Variants in DPP10 observed in about 807,000 individuals in gnomAD.
DPP10 encodes the protein inactive dipeptidyl peptidase 10.
DPP10 carries 33 observed loss-of-function variants against 120.9 expected under a neutral mutation model. The ratio of observed to expected loss-of-function variants is 0.27; its 90% CI spans 0.21 to 0.37. The LOEUF is 0.37. Ranked by LOEUF, DPP10 falls within the 10% of genes least tolerant of loss-of-function variation. DPP10 has a pLI of 1.00. For missense variants in DPP10, 816 were observed against 942.8 expected (o/e 0.87, Z 1.76); for synonymous variants, 337 against 326.1 (o/e 1.03, Z -0.36).
At chr2:115,510,951 G>A (rs2077191319) in intron 4 of DPP10, among the ~76,000 whole-genome samples, 1 of 152,074 alleles carries the variant, frequency 6.6e-6, no homozygotes, top group South Asian at 2.1e-4. Flanking sequence ...TGCAGCTAGT[G>A]TATAGAAATG....
chr2:115,018,256 G>A (rs1485388315), intron 1 of DPP10, among the ~76,000 whole-genome samples: 1 of 152,296 alleles, frequency 6.6e-6, no homozygotes, highest in Middle Eastern at 3.4e-3. Context: ...TTACACTGCT[G>A]GTAGGAGTGT....
At chr2:114,897,591 C>G (rs1222389040) in intron 1 of DPP10, among the ~76,000 whole-genome samples, 1 of 151,696 alleles carries the variant, frequency 6.6e-6, no homozygotes, top group Admixed American at 6.6e-5. Context: ...TTTTCACAAC[C>G]TACTCATCTG....
At chr2:115,383,734 TTAA>T (rs927559086) in intron 3 of DPP10, among the ~76,000 whole-genome samples, 103 of 152,246 alleles carry the variant, frequency 6.8e-4, no homozygotes, top group African/African-American at 2.4e-3. Flanking sequence ...TTAAATATAT[TTAA>T]TAATTTGATT....
chr2:115,602,861 A>C (rs1384375706), intron 5 of DPP10, among the ~76,000 whole-genome samples: 1 of 152,222 alleles, frequency 6.6e-6, no homozygotes, highest in African/African-American at 2.4e-5. Flanking sequence ...CTTTGAAAGA[A>C]ATACACATAA....
At chr2:114,633,408 C>T (rs552535264) in intron 1 of DPP10, among the ~76,000 whole-genome samples, 43 of 150,838 alleles carry the variant, frequency 2.9e-4, no homozygotes, top group Non-Finnish European at 5.7e-4. Context: ...TGCACCATCA[C>T]ATCCAGCAAA....
intron 1 of DPP10, among the ~76,000 whole-genome samples, chr2:114,626,034 C>G (rs985398467): frequency 6.6e-6 from 1 of 151,080 alleles, no homozygotes; most frequent in Non-Finnish European, 1.5e-5. Flanking sequence ...TAAATTTATA[C>G]TGATGACTAC....
intron 3 of DPP10, among the ~76,000 whole-genome samples, chr2:115,480,865 A>G (rs1204780421): frequency 6.6e-6 from 1 of 152,132 alleles, no homozygotes; most frequent in African/African-American, 2.4e-5. Context: ...TCTTTAACCC[A>G]CTTTAGACTT....
At chr2:114,838,592 C>G (rs781282522) in intron 1 of DPP10, among the ~76,000 whole-genome samples, 2 of 152,034 alleles carry the variant, frequency 1.3e-5, no homozygotes, top group Non-Finnish European at 2.9e-5. Flanking sequence ...CCACTGTGCC[C>G]CGCCCTAATT....
intron 1 of DPP10, among the ~76,000 whole-genome samples, chr2:115,106,633 A>G (rs972099413): frequency 6.6e-6 from 1 of 150,536 alleles, no homozygotes; most frequent in African/African-American, 2.4e-5. Context: ...CTAATTTTAC[A>G]TTTTTTTTTC....
At position 115,187,019 on chromosome 2, in the gene DPP10, C is replaced by CTTTTT. The variant is rs147014349; in HGVS notation, c.61-122188_61-122184dup. 4.7e-5 allele frequency among the ~76,000 whole-genome samples: 3 copies of CTTTTT among 63,178 alleles called. 1 individual carries two copies. Among genetic ancestry groups the CTTTTT allele is most frequent in the African/African-American group, 1.6e-4 (3 of 19,084 alleles). The allele number at this position is 63,178 out of a possible 152,430, so 41.4% of individuals were successfully genotyped here. The stretch of plus-strand genomic sequence containing the variant: ...GAATTCAGAAGGTGGTGCAAAGATT[C>CTTTTT]TTTTTTTTTTTTTTTTTTTTTTTTT... On this transcript the variant is annotated intron_variant, in intron 1 of 25. Coordinates refer to ENST00000410059, the MANE Select transcript of DPP10 (RefSeq NM_020868.6).
intron 1 of DPP10, among the ~76,000 whole-genome samples, chr2:115,027,518 G>C (rs953643923): frequency 6.6e-5 from 10 of 152,042 alleles, no homozygotes; most frequent in African/African-American, 1.9e-4. Flanking sequence ...TTAACATGCT[G>C]TTGAATTCAG....
intron 1 of DPP10, among the ~76,000 whole-genome samples, chr2:115,149,832 C>T (rs574595826): frequency 5.7e-4 from 87 of 152,208 alleles, no homozygotes; most frequent in Non-Finnish European, 1.1e-3. Flanking sequence ...AAAAATTATT[C>T]GTTGTGTATC....
At chr2:115,763,933 C>T (rs1420890745) in intron 12 of DPP10, among the ~76,000 whole-genome samples, 1 of 152,140 alleles carries the variant, frequency 6.6e-6, no homozygotes, top group Non-Finnish European at 1.5e-5. Flanking sequence ...ACAGGGACTT[C>T]ATAAGTGCCC....
At chr2:114,539,271 C>T (rs929874283) in intron 1 of DPP10, among the ~76,000 whole-genome samples, 3 of 149,862 alleles carry the variant, frequency 2.0e-5, no homozygotes, top group Admixed American at 6.7e-5. Context: ...TACATATATA[C>T]AATTATATAT....
intron 3 of DPP10, among the ~76,000 whole-genome samples, chr2:115,446,155 A>G (rs1403811948): frequency 6.6e-6 from 1 of 152,214 alleles, no homozygotes; most frequent in African/African-American, 2.4e-5. Flanking sequence ...GGTGGCTTCC[A>G]TGTGAAGTTG....
chr2:115,220,491 T>A (rs1025983378), intron 1 of DPP10, among the ~76,000 whole-genome samples: 1 of 152,070 alleles, frequency 6.6e-6, no homozygotes, highest in African/African-American at 2.4e-5. Context: ...GTGGGAGGAT[T>A]ACTTGAGGCC....
At chr2:114,990,592 A>G (rs1209286558) in intron 1 of DPP10, among the ~76,000 whole-genome samples, 1 of 152,070 alleles carries the variant, frequency 6.6e-6, no homozygotes, top group Non-Finnish European at 1.5e-5. Context: ...TTATACCCCA[A>G]CAGTTAATGT....
chr2:115,680,101 G>A (rs1269594859), intron 5 of DPP10, among the ~76,000 whole-genome samples: 2 of 151,718 alleles, frequency 1.3e-5, no homozygotes, highest in East Asian at 1.9e-4. Flanking sequence ...ATATCACATT[G>A]TATTCCCCAA....
chr2:115,723,234 T>C (rs74474153), intron 7 of DPP10, among the ~76,000 whole-genome samples: 1,676 of 152,344 alleles, frequency 0.011, 37 homozygotes, highest in African/African-American at 0.039. Context: ...AATGTTTATG[T>C]GTCGGCGAGA....
Sources: gnomAD v4.1 joint callset for allele counts (sites outside exome capture counted in the v4.1 genomes callset) on GRCh38, gnomAD v4.1.1 for gene constraint, MANE v1.5 for transcripts, NCBI Gene and HGNC (gene_info 2026-07-23, HGNC 2026-07-21) for gene names.